The following GRM8 variants were observed in gnomAD, a reference collection of about 807,000 sequenced individuals.
The protein encoded by GRM8 is glutamate metabotropic receptor 8, also known as metabotropic glutamate receptor 8.
A neutral mutation model predicts 87.2 loss-of-function variants in GRM8; 47 were observed. The observed-to-expected ratio is 0.54, with a 90% CI of 0.43 to 0.69. The LOEUF is 0.69. GRM8 is among the 30% of genes least tolerant of loss of function. GRM8 has a pLI of 0.00. For missense variants in GRM8, 1,019 were observed against 1,139.2 expected, an observed-to-expected ratio of 0.89 and a Z score of 1.52; for synonymous variants, 396 against 404.5, an observed-to-expected ratio of 0.98 and a Z score of 0.25.
chr7:126,869,340 C>T (rs1162800929), intron 6 of GRM8: 1 of 152,124 alleles, frequency 6.6e-6, no homozygotes, highest in Non-Finnish European at 1.5e-5. Flanking sequence ...CTATTTTGCC[C>T]TCCTCCCATG....
intron 2 of GRM8, among the ~76,000 whole-genome samples, chr7:127,200,751 C>T (rs1795543842): frequency 1.3e-5 from 2 of 152,220 alleles, no homozygotes; most frequent in African/African-American, 4.8e-5. Context: ...CTTATAAAGA[C>T]ATGAGTCATT....
chr7:126,463,467 T>C (rs910793194), intron 9 of GRM8, among the ~76,000 whole-genome samples: 1 of 151,606 alleles, frequency 6.6e-6, no homozygotes, highest in Admixed American at 6.6e-5. Context: ...ATTGTAACGA[T>C]TGACCTTGTG....
intron 7 of GRM8, among the ~76,000 whole-genome samples, chr7:126,681,554 A>G (rs1438902169): frequency 6.6e-6 from 1 of 152,240 alleles, no homozygotes; most frequent in African/African-American, 2.4e-5. Context: ...ATCAGAGAAA[A>G]CAAAAGCCAG....
At chr7:127,048,886 A>G (rs1049395801) in intron 3 of GRM8, among the ~76,000 whole-genome samples, 1 of 152,210 alleles carries the variant, frequency 6.6e-6, no homozygotes, top group Non-Finnish European at 1.5e-5. Context: ...GTTGGATGCT[A>G]TAGTTCCAGA....
intron 7 of GRM8, among the ~76,000 whole-genome samples, chr7:126,764,120 T>C (rs553677213): frequency 3.5e-4 from 53 of 152,062 alleles, no homozygotes; most frequent in African/African-American, 1.3e-3. Flanking sequence ...TCAAATAATT[T>C]GAAAATCATC....
At chr7:127,084,234 G>C (rs1360888238) in intron 3 of GRM8, 1 of 152,166 alleles carries the variant, frequency 6.6e-6, no homozygotes, top group Non-Finnish European at 1.5e-5. Context: ...AAACAGAGTT[G>C]GTGGGCAAGG....
intron 9 of GRM8, among the ~76,000 whole-genome samples, chr7:126,475,177 G>C (rs1805759320): frequency 6.6e-6 from 1 of 151,984 alleles, no homozygotes; most frequent in Admixed American, 6.6e-5. Flanking sequence ...TAATCAGAAT[G>C]AAAGAAGTGA....
At chr7:126,585,208 T>C (rs963119234) in intron 8 of GRM8, among the ~76,000 whole-genome samples, 8 of 152,118 alleles carry the variant, frequency 5.3e-5, no homozygotes, top group East Asian at 1.9e-4. Flanking sequence ...AGAGAATATA[T>C]AAGGAAGAAA....
intron 7 of GRM8, among the ~76,000 whole-genome samples, chr7:126,711,514 G>T (rs1811092534): frequency 6.6e-6 from 1 of 152,180 alleles, no homozygotes; most frequent in Non-Finnish European, 1.5e-5. Flanking sequence ...TTTCAGAATA[G>T]TCAATGAGCA....
intron 2 of GRM8, among the ~76,000 whole-genome samples, chr7:127,227,039 A>G (rs1038973595): frequency 2.6e-5 from 4 of 152,252 alleles, no homozygotes; most frequent in African/African-American, 9.6e-5. Context: ...GAACTCTAAA[A>G]AAGATCAAAA....
chr7:127,053,799 G>GGA (rs1294094980), intron 3 of GRM8, among the ~76,000 whole-genome samples: 2 of 18,894 alleles, frequency 1.1e-4, no homozygotes, highest in Admixed American at 2.5e-4. Context: ...AAAAAAAAAA[G>GGA]GGGGGGGGGA....
At chr7:126,941,610 A>C (rs901350608) in intron 3 of GRM8, among the ~76,000 whole-genome samples, 3 of 150,014 alleles carry the variant, frequency 2.0e-5, no homozygotes, top group African/African-American at 4.9e-5. Context: ...ACAGAGCAAG[A>C]CTCTGTCTCA....
At chr7:126,815,203 C>T (rs1429710646) in intron 6 of GRM8, among the ~76,000 whole-genome samples, 2 of 152,078 alleles carry the variant, frequency 1.3e-5, no homozygotes, top group African/African-American at 4.8e-5. Context: ...TTCCTGGTCT[C>T]ATCTGCCTCA....
Position 126,609,456 on chromosome 7 carries a change from G to A in GRM8, c.1400C>T (p.Ala467Val). 1 of 1,611,042 alleles carries A rather than the reference G, an allele frequency of 6.2e-7. No homozygotes were observed. The highest frequency in any genetic ancestry group is 8.5e-7 in the Non-Finnish European group (1 of 1,177,208). Residue 467 changes from alanine (A) to valine (V), a missense_variant, in exon 8 of 11, where the codon GCT (alanine) becomes GTT (valine). By Grantham distance (64) the Ala-to-Val change is moderately conservative (BLOSUM62 0). Transcript: ENST00000339582. ...CTGGAAGATATCATAACGTCCAGGA[G>A]CATCTCCGTTTTCATTAAAAGTGAC... ...TPVTFNENGD[A>V]PGRYDIFQYQ...
At chr7:127,058,508 C>A (rs1180825727) in intron 3 of GRM8, among the ~76,000 whole-genome samples, 1 of 151,824 alleles carries the variant, frequency 6.6e-6, no homozygotes, top group African/African-American at 2.4e-5. Flanking sequence ...TTTTCCCAGG[C>A]CCTAAAATAG....
intron 7 of GRM8, among the ~76,000 whole-genome samples, chr7:126,755,980 T>G (rs1315938366): frequency 6.6e-6 from 1 of 152,012 alleles, no homozygotes; most frequent in Non-Finnish European, 1.5e-5. Context: ...TAGTTTTTAT[T>G]TATTTCATCA....
chr7:126,458,661 C>T (rs937094483), intron 9 of GRM8, among the ~76,000 whole-genome samples: 1 of 150,852 alleles, frequency 6.6e-6, no homozygotes, highest in Non-Finnish European at 1.5e-5. Context: ...CATAAATGAG[C>T]TTCACAGAGA....
In GRM8 at chr7:127,137,714, A is replaced by C. The variant is rs73446210; in HGVS notation, c.511-31002T>G. ...TTTCCAAAATTTAATTTGCTTTGCT[A>C]TTAAAAAAAAATAAAAACAGAACTA... is the stretch of plus-strand genomic sequence containing the variant. On this transcript the variant is annotated intron_variant, in intron 2 of 10. Coordinates refer to ENST00000339582, the MANE Select transcript of GRM8 (RefSeq NM_000845.3). 2.5e-3 allele frequency among the ~76,000 whole-genome samples: 375 copies of C among 152,200 alleles called. 7 individuals carry two copies. The highest frequency in any genetic ancestry group is 8.4e-3 in the African/African-American group (350 of 41,496).
At chr7:127,109,398 C>T (rs368719142) in intron 2 of GRM8, among the ~76,000 whole-genome samples, 1 of 152,178 alleles carries the variant, frequency 6.6e-6, no homozygotes, top group Non-Finnish European at 1.5e-5. Flanking sequence ...AATACAAACT[C>T]TTCGGTCTGG....
Sources: gnomAD v4.1 joint callset for allele counts (sites outside exome capture counted in the v4.1 genomes callset) on GRCh38, gnomAD v4.1.1 for gene constraint, MANE v1.5 for transcripts, NCBI Gene and HGNC (gene_info 2026-07-23, HGNC 2026-07-21) for gene names.